The following GRPEL2 variants were observed in gnomAD, a reference collection of about 807,000 sequenced individuals.
GRPEL2 encodes grpE protein homolog 2, mitochondrial.
In GRPEL2, 18 loss-of-function variants were observed where a neutral mutation model predicts 25.9. The ratio of observed to expected loss-of-function variants is 0.70; its 90% CI spans 0.48 to 1.03. The LOEUF is 1.03. Ranked by LOEUF, GRPEL2 falls within the 50% of genes least tolerant of loss-of-function variation. The pLI, the probability that GRPEL2 is intolerant of heterozygous loss-of-function variation, is 0.00. For missense variants in GRPEL2, 247 were observed against 276.2 expected (o/e 0.89, Z 0.75); for synonymous variants, 106 against 107.9 (o/e 0.98, Z 0.11).
At chr5:149,350,828 C>A in intron 3 of GRPEL2, 90 bp from the exon 4 acceptor site, 1 of 1,355,914 alleles carries the variant, frequency 7.4e-7, no homozygotes, top group Non-Finnish European at 1.0e-6. Context: ...ACTCAGCATA[C>A]TAGCCGTCTA....
At chr5:149,350,122 C>G (rs1415399208) in intron 3 of GRPEL2, among the ~76,000 whole-genome samples, 1 of 152,202 alleles carries the variant, frequency 6.6e-6, no homozygotes, top group Admixed American at 6.5e-5. Context: ...AAGCCTGTCC[C>G]TGGATTAAAG....
At chr5:149,348,172 C>T in intron 1 of GRPEL2, 100 bp from the exon 2 acceptor site, 9 of 1,089,156 alleles carry the variant, frequency 8.3e-6, no homozygotes, top group Non-Finnish European at 1.2e-5. Context: ...ACACTTTCTC[C>T]AGAGATTCCA....
chr5:149,351,850 T>A lies in GRPEL2; in HGVS notation c.*568T>A, dbSNP rs1433887436. 9 of 153,244 alleles carry A rather than the reference T, an allele frequency of 5.9e-5. 3 individuals carry two copies. Among genetic ancestry groups the A allele is most frequent in the Admixed American group, 5.8e-4 (9 of 15,472 alleles). The allele number at this position is 153,244 out of a possible 1,614,324, so 9.5% of individuals were successfully genotyped here. A position where few individuals can be genotyped will look rare whatever the true frequency, so the allele number is the denominator to read the frequency against. ...GCTTTATGCTCACATCATTGTCCCA[T>A]ACCCACCCCTTTCTCATCCCCATTT... On this transcript the variant is annotated 3_prime_UTR_variant, in exon 4 of 4. Coordinates refer to ENST00000329271, the MANE Select transcript of GRPEL2 (RefSeq NM_152407.4).
rs1397003922 is a variant in GRPEL2 at position 149,353,630 on chromosome 5, G to A, written c.*2348G>A. The A allele has an allele frequency of 6.6e-6, 1 of 151,784 alleles. No homozygotes were observed. The highest frequency in any genetic ancestry group is 1.5e-5 in the Non-Finnish European group (1 of 67,980). The allele number at this position is 151,784 out of a possible 1,614,324, so 9.4% of individuals were successfully genotyped here. On this transcript the variant is annotated 3_prime_UTR_variant, in exon 4 of 4. Coordinates refer to ENST00000329271, the MANE Select transcript of GRPEL2 (RefSeq NM_152407.4). ...TGGTTGGTTGTTTTTTACAGGCGGG[G>A]TCTCACTATATTGTCCAGGCTAGAA... is the stretch of plus-strand genomic sequence containing the variant.
At chr5:149,349,580 A>G in intron 2 of GRPEL2, 74 bp from the exon 3 acceptor site, 1 of 1,100,832 alleles carries the variant, frequency 9.1e-7, no homozygotes, top group Non-Finnish European at 1.3e-6. Flanking sequence ...AAATTTGTAA[A>G]GTAAGCAAAA....
intron 2 of GRPEL2, among the ~76,000 whole-genome samples, 154 bp downstream of exon 2, chr5:149,348,579 G>T (rs1490591378): frequency 6.6e-6 from 1 of 152,074 alleles, no homozygotes; most frequent in Non-Finnish European, 1.5e-5. Flanking sequence ...GGTATACTGG[G>T]CAGAAAAAAA....
At chr5:149,346,677 T>A (rs1757694240) in intron 1 of GRPEL2, among the ~76,000 whole-genome samples, 1 of 150,258 alleles carries the variant, frequency 6.7e-6, no homozygotes, top group Non-Finnish European at 1.5e-5. Flanking sequence ...TTTCTTGGTC[T>A]AAGCTTTGGC....
At chr5:149,346,956 A>C (rs1226985382) in intron 1 of GRPEL2, among the ~76,000 whole-genome samples, 3 of 151,362 alleles carry the variant, frequency 2.0e-5, no homozygotes, top group Non-Finnish European at 4.4e-5. Context: ...CGATCTCCTG[A>C]CCTCGTGATC....
rs1757779655 is a variant in GRPEL2 at position 149,351,737 on chromosome 5, T to C, written c.*455T>C. Reference sequence around the variant, plus strand: ...TAAATTTAGATCATTTGGATTGATTTTTATACACATAGATTTTCAGGACTT... The same window carrying C: ...TAAATTTAGATCATTTGGATTGATTCTTATACACATAGATTTTCAGGACTT... On this transcript the variant is annotated 3_prime_UTR_variant, in exon 4 of 4. Coordinates refer to ENST00000329271, the MANE Select transcript of GRPEL2 (RefSeq NM_152407.4). The C allele has an allele frequency of 6.4e-6, 1 of 155,418 alleles. No individual in the cohort carries two copies. The highest frequency in any genetic ancestry group is 1.4e-5 in the Non-Finnish European group (1 of 69,850). 9.6% of individuals were successfully genotyped at this position (155,418 alleles called of 1,614,324 possible). A position where few individuals can be genotyped will look rare whatever the true frequency, so the allele number is the denominator to read the frequency against.
intron 1 of GRPEL2, among the ~76,000 whole-genome samples, chr5:149,346,517 G>C (rs1757691401): frequency 6.6e-6 from 1 of 152,048 alleles, no homozygotes; most frequent in African/African-American, 2.4e-5. Context: ...TTCGGGACTT[G>C]GTTTTGCTTA....
rs1757792615 is a variant in GRPEL2 at position 149,352,500 on chromosome 5, C to G, written c.*1218C>G. The G allele has an allele frequency of 6.6e-6, 1 of 151,894 alleles. No individual in the cohort carries two copies. The highest frequency in any genetic ancestry group is 2.1e-4 in the South Asian group (1 of 4,826). The allele number at this position is 151,894 out of a possible 1,614,324, so 9.4% of individuals were successfully genotyped here. The stretch of plus-strand genomic sequence containing the variant: ...ACTACCTCTGTTATATTGACAAGCT[C>G]TATTTCCTATTCTTTGTATCTGTTA... On this transcript the variant is annotated 3_prime_UTR_variant, in exon 4 of 4. Transcript: ENST00000329271.
chr5:149,350,004 C>T (rs1246212152), intron 3 of GRPEL2: 1 of 509,088 alleles, frequency 2.0e-6, no homozygotes, highest in African/African-American at 2.0e-5. Context: ...GGATCATGCC[C>T]CTACACTCCA....
chr5:149,348,105 CAG>C (rs1757717400), intron 1 of GRPEL2, 165 bp from the exon 2 acceptor site: 2 of 549,666 alleles, frequency 3.6e-6, no homozygotes, highest in Admixed American at 7.2e-5. Flanking sequence ...TCAAGTAAAA[CAG>C]TGTCTGGTAC....
chr5:149,348,037 T>C (rs1757716540), intron 1 of GRPEL2: 1 of 399,064 alleles, frequency 2.5e-6, no homozygotes, highest in Non-Finnish European at 4.5e-6. Context: ...TTCTCATCTG[T>C]AAAATAGGGA....
chr5:149,345,919 A>AGCCTGTGGT (rs1757681849), intron 1 of GRPEL2: 1 of 411,920 alleles, frequency 2.4e-6, no homozygotes, highest in South Asian at 3.1e-5. Context: ...CTCTTCTCCC[A>AGCCTGTGGT]GCCTGTGGTA....
At chr5:149,349,802 C>A in intron 3 of GRPEL2, 67 bp downstream of exon 3, 2 of 1,154,848 alleles carry the variant, frequency 1.7e-6, no homozygotes, top group African/African-American at 1.5e-5. Flanking sequence ...GTAATCCCAG[C>A]ACTTTGAGAG....
intron 3 of GRPEL2, 32 bp downstream of exon 3, chr5:149,349,767 T>C (rs1484136482): frequency 1.3e-6 from 2 of 1,535,002 alleles, no homozygotes; most frequent in Non-Finnish European, 1.8e-6. Context: ...AAAATGTCTT[T>C]GGTTGGGCAC....
rs34300270 is a variant in GRPEL2 at position 149,346,715 on chromosome 5, A to ATTTTTTT, written c.77+1133_77+1139dup. Among the ~76,000 whole-genome samples the ATTTTTTT allele has an allele frequency of 6.9e-4, 41 of 59,256 alleles. 6 individuals are homozygous for ATTTTTTT. The highest frequency in any genetic ancestry group is 9.9e-4 in the East Asian group (2 of 2,020). The allele number at this position is 59,256 out of a possible 152,430, so 38.9% of individuals were successfully genotyped here. On this transcript the variant is annotated intron_variant, in intron 1 of 3. Coordinates refer to ENST00000329271, the MANE Select transcript of GRPEL2 (RefSeq NM_152407.4). ...TTTTCCCTTTGAACTGGCCCTGAGA[A>ATTTTTTT]TTTTTTTTTTTTTTTTTTTTTTTTT... is the stretch of plus-strand genomic sequence containing the variant.
chr5:149,348,309 ACTG>A lies in GRPEL2; in HGVS notation c.119_121del (p.Ala40del). 5 of 1,611,732 alleles carry A rather than the reference ACTG, an allele frequency of 3.1e-6. No homozygotes were observed. Among genetic ancestry groups the A allele is most frequent in the Non-Finnish European group, 4.2e-6 (5 of 1,179,498 alleles). The stretch of plus-strand genomic sequence containing the variant: ...TCCATTCAGCACTGCCACCCAGAGA[ACTG>A]CTGGTGAGGACTGCCGTTCTGAGGA... On this transcript the variant is annotated inframe_deletion, in exon 2 of 4. Transcript: ENST00000329271.
Sources: allele counts gnomAD v4.1 joint callset (sites outside exome capture counted in the v4.1 genomes callset), GRCh38; gene constraint gnomAD v4.1.1; transcripts MANE v1.5; gene names NCBI Gene and HGNC (gene_info 2026-07-23, HGNC 2026-07-21).